The following IGF2R variants were observed in gnomAD, a reference collection of about 807,000 sequenced individuals.
IGF2R encodes insulin like growth factor 2 receptor, also known as cation-independent mannose-6-phosphate receptor.
A neutral mutation model predicts 270.6 loss-of-function variants in IGF2R; 91 were observed. That is an observed-to-expected ratio of 0.34 (90% CI 0.28 to 0.40). The LOEUF (loss-of-function observed/expected upper bound fraction) is 0.40, where lower values mean the gene tolerates loss of function less well. Among genes scored for constraint, IGF2R ranks in the 10% least tolerant of loss-of-function variants. The pLI, the probability that IGF2R is intolerant of heterozygous loss-of-function variation, is 1.00. For synonymous variants in IGF2R, 1,316 were observed against 1,258.9 expected, an observed-to-expected ratio of 1.05 and a Z score of -0.96; for missense variants, 2,805 against 3,188.3, an observed-to-expected ratio of 0.88 and a Z score of 2.90.
chr6:160,009,441 CCT>C (rs1422647589), intron 3 of IGF2R, among the ~76,000 whole-genome samples: 1 of 151,998 alleles, frequency 6.6e-6, no homozygotes, highest in Non-Finnish European at 1.5e-5. Flanking sequence ...TTCTCTAAAA[CCT>C]CTTCTTCTAG....
chr6:160,028,216 G>T (rs1458883229), intron 6 of IGF2R, among the ~76,000 whole-genome samples: 1 of 152,172 alleles, frequency 6.6e-6, no homozygotes, highest in African/African-American at 2.4e-5. Flanking sequence ...TCGTTAGATG[G>T]CCGTTTTCTT....
chr6:159,980,242 AC>A (rs1783777686), intron 1 of IGF2R, among the ~76,000 whole-genome samples: 2 of 145,130 alleles, frequency 1.4e-5, no homozygotes, highest in South Asian at 2.2e-4. Flanking sequence ...AAAGAAAGGT[AC>A]ATGGAAGATT....
chr6:160,075,352 C>G (rs1778835166), intron 35 of IGF2R, among the ~76,000 whole-genome samples: 1 of 152,214 alleles, frequency 6.6e-6, no homozygotes, highest in African/African-American at 2.4e-5. Context: ...TCCCCTCTCC[C>G]AAGGACATAG....
chr6:160,089,398 AAACTG>A, intron 43 of IGF2R, 145 bp downstream of exon 43: 1 of 666,378 alleles, frequency 1.5e-6, no homozygotes, highest in Non-Finnish European at 2.4e-6. Context: ...TCTTTTGCTT[AAACTG>A]AGGAAAAGCG....
chr6:159,999,429 T>G (rs532831144), intron 2 of IGF2R, among the ~76,000 whole-genome samples: 1 of 152,152 alleles, frequency 6.6e-6, no homozygotes, highest in African/African-American at 2.4e-5. Flanking sequence ...TGGATTTGAA[T>G]GTGGACAGCC....
chr6:160,071,203 C>A (rs76445941), intron 31 of IGF2R, among the ~76,000 whole-genome samples: 13 of 111,062 alleles, frequency 1.2e-4, no homozygotes, highest in East Asian at 4.2e-4. Flanking sequence ...CCCTGTGCCC[C>A]AGACCCAGGA....
intron 45 of IGF2R, among the ~76,000 whole-genome samples, chr6:160,096,902 T>A (rs937197522): frequency 6.6e-6 from 1 of 152,120 alleles, no homozygotes; most frequent in Non-Finnish European, 1.5e-5. Flanking sequence ...CCGAATAGGG[T>A]CCAGTCAGGG....
Position 159,969,415 on chromosome 6 carries a change from G to T in IGF2R, c.149+20G>T. 8.3e-7 allele frequency: 1 copy of T among 1,207,062 alleles called. No individual in the cohort carries two copies. 74.8% of individuals were successfully genotyped at this position (1,207,062 alleles called of 1,614,324 possible). ...GTGCAGGTGGGTGGCCCGCCCGGAC[G>T]CAGGCTCCGCTCGCGGTGCCCGGGG... is the stretch of plus-strand genomic sequence containing the variant. On this transcript the variant is annotated intron_variant, in intron 1 of 47. Transcript: ENST00000356956.
At chr6:160,073,087 G>C (rs1583292903) in intron 33 of IGF2R, 126 bp from the exon 34 acceptor site, 2 of 1,413,912 alleles carry the variant, frequency 1.4e-6, no homozygotes, top group East Asian at 4.6e-5. Flanking sequence ...GTTAAAGCCG[G>C]ATTGGACACT....
At chr6:160,085,631 T>C (rs185817539) in intron 41 of IGF2R, among the ~76,000 whole-genome samples, 17 of 152,300 alleles carry the variant, frequency 1.1e-4, no homozygotes, top group Admixed American at 1.1e-3. Flanking sequence ...AGGAGGAAAA[T>C]AGAGGTTTCT....
chr6:160,048,640 A>C, intron 18 of IGF2R, 97 bp downstream of exon 18: 1 of 1,271,896 alleles, frequency 7.9e-7, no homozygotes, highest in South Asian at 1.5e-5. Context: ...CAAAGGCAGC[A>C]CAGCTGCTCG....
intron 44 of IGF2R, 94 bp from the exon 45 acceptor site, chr6:160,096,345 G>C: frequency 8.6e-7 from 1 of 1,168,852 alleles, no homozygotes; most frequent in Non-Finnish European, 1.2e-6. Context: ...CTGATTTTAA[G>C]TCTTTGCAAA....
Position 160,105,165 on chromosome 6 carries a change from C to T in IGF2R, c.*81C>T. ...CAAATAAGACTTCCACTCGATGATG[C>T]TTCTATAATTTTGCCTTTAACAGAA... On this transcript the variant is annotated 3_prime_UTR_variant, in exon 48 of 48. Transcript: ENST00000356956. The T allele has an allele frequency of 7.9e-7, 1 of 1,260,982 alleles. No homozygotes were observed. Among genetic ancestry groups the T allele is most frequent in the Non-Finnish European group, 1.1e-6 (1 of 926,872 alleles). The allele number at this position is 1,260,982 out of a possible 1,614,324, so 78.1% of individuals were successfully genotyped here.
intron 1 of IGF2R, among the ~76,000 whole-genome samples, chr6:159,987,761 G>T (rs1002954226): frequency 6.6e-6 from 1 of 152,186 alleles, no homozygotes; most frequent in African/African-American, 2.4e-5. Flanking sequence ...CAGCTTGCAG[G>T]TGTCTTTGGA....
chr6:160,067,847 C>G (rs1778617847), intron 29 of IGF2R, among the ~76,000 whole-genome samples: 1 of 152,232 alleles, frequency 6.6e-6, no homozygotes. Context: ...TGGCGTGCGG[C>G]TGCCCCGGGC....
At position 160,055,588 on chromosome 6, in the gene IGF2R, G is replaced by A. The variant is rs573731442; in HGVS notation, c.2695-836G>A. Among the ~76,000 whole-genome samples, 11 of 152,258 alleles carry A rather than the reference G, an allele frequency of 7.2e-5. No individual in the cohort carries two copies. The East Asian group carries it at 1.9e-3, about 27-fold the overall frequency. On this transcript the variant is annotated intron_variant, in intron 19 of 47. Transcript: ENST00000356956. ...AGTGTTGCTGAGGCCTGGAGTGGGT[G>A]GGGGCTTTCAAGGGTAGAGAGCCCT...
At chr6:159,996,844 G>C (rs1180644863) in intron 2 of IGF2R, among the ~76,000 whole-genome samples, 1 of 151,922 alleles carries the variant, frequency 6.6e-6, no homozygotes, top group East Asian at 1.9e-4. Context: ...GTGTAGAGAG[G>C]GTGAGGCCCC....
chr6:160,047,114 TCTGCCC>T (rs1292021632), intron 15 of IGF2R, 39 bp from the exon 16 acceptor site: 1 of 1,587,346 alleles, frequency 6.3e-7, no homozygotes, highest in Middle Eastern at 1.7e-4. Flanking sequence ...TTGGAGTGCT[TCTGCCC>T]CTCAGGTCTT....
At chr6:160,021,656 TA>T (rs1288160271) in intron 4 of IGF2R, among the ~76,000 whole-genome samples, 30 of 140,410 alleles carry the variant, frequency 2.1e-4, no homozygotes, top group Middle Eastern at 7.2e-3. Context: ...TGGAACGTAA[TA>T]AAAAAAAACC....
Sources: gnomAD v4.1 joint callset for allele counts (sites outside exome capture counted in the v4.1 genomes callset) on GRCh38, gnomAD v4.1.1 for gene constraint, MANE v1.5 for transcripts, NCBI Gene and HGNC (gene_info 2026-07-23, HGNC 2026-07-21) for gene names.